RBFOX1: variants seen among roughly 807,000 people sequenced by gnomAD.
The protein encoded by RBFOX1 is RNA binding fox-1 homolog 1.
RBFOX1 carries 8 observed loss-of-function variants against 57.7 expected under a neutral mutation model. The observed-to-expected ratio is 0.14, with a 90% CI of 0.08 to 0.25. The LOEUF is 0.25. Among genes scored for constraint, RBFOX1 ranks in the 10% least tolerant of loss-of-function variants. The pLI, the probability that RBFOX1 is intolerant of heterozygous loss-of-function variation, is 1.00. For synonymous variants in RBFOX1, 326 were observed against 222.4 expected (o/e 1.47, Z -4.15); for missense variants, 611 against 548.5 (o/e 1.11, Z -1.14).
At chr16:5,432,332 C>T (rs1022035241) in intron 1 of RBFOX1, among the ~76,000 whole-genome samples, 84 of 96,554 alleles carry the variant, frequency 8.7e-4, no homozygotes, top group African/African-American at 3.7e-3. Flanking sequence ...TTGCCGCTAA[C>T]CAAATTAGTC....
At chr16:7,545,297 G>C (rs2084122538) in intron 5 of RBFOX1, among the ~76,000 whole-genome samples, 1 of 149,676 alleles carries the variant, frequency 6.7e-6, no homozygotes, top group Admixed American at 6.6e-5. Context: ...CCACCACTGA[G>C]AGAGGCAGGG....
At chr16:6,481,661 T>C (rs1335332734) in intron 2 of RBFOX1, among the ~76,000 whole-genome samples, 1 of 152,194 alleles carries the variant, frequency 6.6e-6, no homozygotes, top group African/African-American at 2.4e-5. Context: ...TACCTGGTGC[T>C]GTTGGAAAAT....
At chr16:7,662,829 A>G (rs912043849) in intron 12 of RBFOX1, among the ~76,000 whole-genome samples, 3 of 152,216 alleles carry the variant, frequency 2.0e-5, no homozygotes, top group African/African-American at 7.2e-5. Context: ...GTAGGCACTT[A>G]CCTATTTTCC....
intron 3 of RBFOX1, among the ~76,000 whole-genome samples, chr16:5,818,198 A>C (rs1286831759): frequency 6.6e-6 from 1 of 152,068 alleles, no homozygotes; most frequent in Non-Finnish European, 1.5e-5. Context: ...GTGTGTTAGG[A>C]GGTTTCTGTA....
intron 3 of RBFOX1, among the ~76,000 whole-genome samples, chr16:6,853,557 A>AGT (rs1429781456): frequency 1.3e-5 from 2 of 151,978 alleles, no homozygotes; most frequent in Admixed American, 1.3e-4. Context: ...TTGGGTTATG[A>AGT]GTGATTGAGG....
chr16:7,641,669 C>T (rs1161673937), intron 11 of RBFOX1, among the ~76,000 whole-genome samples: 1 of 152,188 alleles, frequency 6.6e-6, no homozygotes, highest in Non-Finnish European at 1.5e-5. Context: ...CTTTCTCTGG[C>T]AAGTCCTAAT....
intron 3 of RBFOX1, among the ~76,000 whole-genome samples, chr16:6,762,747 AG>A: frequency 6.6e-6 from 1 of 151,880 alleles, no homozygotes; most frequent in Non-Finnish European, 1.5e-5. Context: ...AGTAAGGTAA[AG>A]AGCCTTACCC....
chr16:6,439,678 C>G (rs1437509508), intron 2 of RBFOX1, among the ~76,000 whole-genome samples: 1 of 152,082 alleles, frequency 6.6e-6, no homozygotes, highest in Non-Finnish European at 1.5e-5. Flanking sequence ...TGCTAAGCAA[C>G]CCACAAGCAG....
chr16:7,061,295 C>G lies in RBFOX1; in HGVS notation c.27+9197C>G, dbSNP rs550979950. 2.0e-5 allele frequency among the ~76,000 whole-genome samples: 3 copies of G among 152,220 alleles called. No homozygotes were observed. In the South Asian group the frequency reaches 6.2e-4, roughly 32 times the overall value. ...TTTTTTAAATGTCATCTTCACAAGA[C>G]CTGTTCCATACAGAGCTTGTATGTT... On this transcript the variant is annotated intron_variant, in intron 4 of 15. Coordinates refer to ENST00000550418, the MANE Select transcript of RBFOX1 (RefSeq NM_018723.4).
chr16:6,365,095 A>T (rs1439264519), intron 2 of RBFOX1, among the ~76,000 whole-genome samples: 2 of 20,260 alleles, frequency 9.9e-5, no homozygotes, highest in East Asian at 8.1e-4. Context: ...ATTCACCCTT[A>T]AAAAAAAGGT....
intron 1 of RBFOX1, among the ~76,000 whole-genome samples, chr16:5,273,934 A>G (rs1271246436): frequency 6.6e-6 from 1 of 152,190 alleles, no homozygotes; most frequent in Non-Finnish European, 1.5e-5. Flanking sequence ...CCAGGTATCC[A>G]GGGACTCGAG....
At chr16:5,836,707 C>T (rs2056469751) in intron 3 of RBFOX1, among the ~76,000 whole-genome samples, 1 of 152,154 alleles carries the variant, frequency 6.6e-6, no homozygotes, top group African/African-American at 2.4e-5. Flanking sequence ...GTAGGATGTT[C>T]AGCAGCATCC....
intron 3 of RBFOX1, among the ~76,000 whole-genome samples, chr16:6,701,820 G>A (rs1042917142): frequency 6.6e-6 from 1 of 152,134 alleles, no homozygotes; most frequent in African/African-American, 2.4e-5. Context: ...TGGAACTGGA[G>A]TCCAGTATTC....
rs148805512 is a variant in RBFOX1, at chr16:6,564,663, G to C, written c.-63-89940G>C. Among the ~76,000 whole-genome samples the C allele has an allele frequency of 2.0e-5, 3 of 152,184 alleles. No homozygotes were observed. The East Asian group carries it at 5.8e-4, about 29-fold the overall frequency. On this transcript the variant is annotated intron_variant, in intron 2 of 15. Coordinates refer to ENST00000550418, the MANE Select transcript of RBFOX1 (RefSeq NM_018723.4). Reference sequence around the variant, plus strand: ...TTGGGGGTGGGGGAAATGGAGAGCTGTTGGTCAAAACACACAAATTTCAGT... The same window carrying C: ...TTGGGGGTGGGGGAAATGGAGAGCTCTTGGTCAAAACACACAAATTTCAGT...
chr16:6,550,424 C>A (rs901765289), intron 2 of RBFOX1, among the ~76,000 whole-genome samples: 1 of 152,194 alleles, frequency 6.6e-6, no homozygotes, highest in Non-Finnish European at 1.5e-5. Context: ...TTCGTGGCCT[C>A]AAGTGATCTG....
intron 6 of RBFOX1, among the ~76,000 whole-genome samples, chr16:7,583,148 C>CTTTTTTT (rs34658435): frequency 7.6e-6 from 1 of 132,388 alleles, no homozygotes. Flanking sequence ...TCTAGCTCAT[C>CTTTTTTT]TTTTTTTTTT....
intron 4 of RBFOX1, among the ~76,000 whole-genome samples, chr16:7,059,739 A>G (rs1487970770): frequency 1.3e-5 from 2 of 152,126 alleles, no homozygotes; most frequent in Non-Finnish European, 2.9e-5. Flanking sequence ...TTTGGTACAA[A>G]TTTACCTTTC....
chr16:6,572,471 T>C (rs1217269566), intron 2 of RBFOX1, among the ~76,000 whole-genome samples: 2 of 152,288 alleles, frequency 1.3e-5, no homozygotes, highest in African/African-American at 2.4e-5. Flanking sequence ...TAAGCGTGCA[T>C]GTACAAATAT....
chr16:6,006,472 GC>G (rs1485179191), intron 4 of RBFOX1, among the ~76,000 whole-genome samples: 1 of 152,180 alleles, frequency 6.6e-6, no homozygotes, highest in Non-Finnish European at 1.5e-5. Context: ...GCATTTTGAT[GC>G]AGTAACCAGA....
Sources: allele counts gnomAD v4.1 joint callset (sites outside exome capture counted in the v4.1 genomes callset), GRCh38; gene constraint gnomAD v4.1.1; transcripts MANE v1.5; gene names NCBI Gene and HGNC (gene_info 2026-07-23, HGNC 2026-07-21).